ZMAT4: variants seen among roughly 807,000 people sequenced by gnomAD.
ZMAT4 encodes zinc finger matrin-type 4, also known as zinc finger matrin-type protein 4.
Under a neutral mutation model 28.7 loss-of-function variants are expected in ZMAT4, and 17 were observed. The ratio of observed to expected loss-of-function variants is 0.59; its 90% confidence interval spans 0.41 to 0.89. ZMAT4 has a LOEUF of 0.89. Among genes scored for constraint, ZMAT4 ranks in the 40% least tolerant of loss-of-function variants. The pLI, the probability that ZMAT4 is intolerant of heterozygous loss-of-function variation, is 0.00. For synonymous variants in ZMAT4, 117 were observed against 109.2 expected (o/e 1.07, Z -0.44); for missense variants, 240 against 283.8 (o/e 0.85, Z 1.11).
At chr8:40,863,919 C>T (rs1027962693) in intron 1 of ZMAT4, among the ~76,000 whole-genome samples, 8 of 152,156 alleles carry the variant, frequency 5.3e-5, no homozygotes, top group African/African-American at 1.9e-4. Context: ...AATTATCACA[C>T]ATTATTTCAA....
chr8:40,820,250 A>G, intron 2 of ZMAT4, among the ~76,000 whole-genome samples: 1 of 143,272 alleles, frequency 7.0e-6, no homozygotes, highest in Non-Finnish European at 1.5e-5. Flanking sequence ...GTGCGCATAT[A>G]TGTGAGTATT....
At position 40,746,618 on chromosome 8, in the gene ZMAT4, G is replaced by A. The variant is rs566881809; in HGVS notation, c.192+21023C>T. The stretch of plus-strand genomic sequence containing the variant: ...CCTCTGCCCACCTTGGCCTCCCAAA[G>A]TGCTGGGATTACAGGCATGAGCCAC... On this transcript the variant is annotated intron_variant, in intron 3 of 6. Coordinates refer to ENST00000297737, the MANE Select transcript of ZMAT4 (RefSeq NM_024645.3). 1.7e-3 allele frequency among the ~76,000 whole-genome samples: 254 copies of A among 152,106 alleles called. 3 individuals are homozygous for A. The highest frequency in any genetic ancestry group is 0.01 in the Middle Eastern group (3 of 294).
intron 3 of ZMAT4, among the ~76,000 whole-genome samples, chr8:40,728,602 C>G (rs551243370): frequency 6.6e-6 from 1 of 152,296 alleles, no homozygotes; most frequent in African/African-American, 2.4e-5. Flanking sequence ...CCAAATGTCT[C>G]CTGGGAGACA....
chr8:40,651,720 G>T (rs1333802145), intron 5 of ZMAT4, among the ~76,000 whole-genome samples: 3 of 151,910 alleles, frequency 2.0e-5, no homozygotes, highest in Non-Finnish European at 4.4e-5. Context: ...TTTGGTACTG[G>T]TACCAAAACA....
chr8:40,788,583 T>C (rs117634283), intron 2 of ZMAT4, among the ~76,000 whole-genome samples: 1,818 of 152,220 alleles, frequency 0.012, 19 homozygotes, highest in Non-Finnish European at 0.02. Flanking sequence ...ATTAAATTTG[T>C]GGTTAAAATC....
intron 5 of ZMAT4, among the ~76,000 whole-genome samples, chr8:40,610,978 C>T (rs1273914145): frequency 2.7e-5 from 4 of 147,770 alleles, no homozygotes; most frequent in Admixed American, 2.1e-4. Flanking sequence ...CACTACATAA[C>T]TAATACACAA....
intron 6 of ZMAT4, among the ~76,000 whole-genome samples, chr8:40,558,616 G>A (rs939910324): frequency 6.6e-6 from 1 of 152,112 alleles, no homozygotes; most frequent in African/African-American, 2.4e-5. Flanking sequence ...TGGGGAGAAG[G>A]AGGTAGAAGA....
intron 3 of ZMAT4, among the ~76,000 whole-genome samples, chr8:40,724,176 C>T (rs1003545097): frequency 2.6e-5 from 4 of 152,108 alleles, no homozygotes; most frequent in African/African-American, 9.7e-5. Flanking sequence ...GCAAAGCAGC[C>T]CTGGGATAAG....
intron 3 of ZMAT4, among the ~76,000 whole-genome samples, chr8:40,713,880 G>A (rs1481376855): frequency 5.9e-5 from 8 of 134,900 alleles, no homozygotes; most frequent in African/African-American, 2.3e-4. Flanking sequence ...CTGCACTCCA[G>A]CCTGGGCAAC....
chr8:40,618,143 C>T (rs1481698749), intron 5 of ZMAT4, among the ~76,000 whole-genome samples: 1 of 152,164 alleles, frequency 6.6e-6, no homozygotes, highest in Admixed American at 6.5e-5. Context: ...AACAAGGTAA[C>T]CAACCCTAGG....
At chr8:40,712,672 C>A (rs1450747345) in intron 3 of ZMAT4, among the ~76,000 whole-genome samples, 1 of 152,144 alleles carries the variant, frequency 6.6e-6, no homozygotes, top group Non-Finnish European at 1.5e-5. Flanking sequence ...TCCAATAGCG[C>A]CATATCCTGA....
intron 5 of ZMAT4, among the ~76,000 whole-genome samples, chr8:40,620,973 T>C (rs2118690382): frequency 6.6e-6 from 1 of 152,342 alleles, no homozygotes; most frequent in South Asian, 2.1e-4. Context: ...AAAGTCTTGA[T>C]GGACTTATTT....
rs1479731071 is a variant in ZMAT4 at position 40,795,551 on chromosome 8, T to TG, written c.103-27822dup. On this transcript the variant is annotated intron_variant, in intron 2 of 6. Coordinates refer to ENST00000297737, the MANE Select transcript of ZMAT4 (RefSeq NM_024645.3). Reference sequence around the variant, plus strand: ...TTTAGTATGACACCTGCTTCCTCCCTGGGGGCTCCTTTTATGTTTTGACTG... The same window carrying TG: ...TTTAGTATGACACCTGCTTCCTCCCTGGGGGGCTCCTTTTATGTTTTGACTG... 3.3e-5 allele frequency among the ~76,000 whole-genome samples: 5 copies of TG among 152,310 alleles called. No individual in the cohort carries two copies. In the East Asian group the frequency reaches 5.8e-4, roughly 18 times the overall value.
chr8:40,650,319 A>T (rs1320846773), intron 5 of ZMAT4, among the ~76,000 whole-genome samples: 1 of 151,426 alleles, frequency 6.6e-6, no homozygotes, highest in Non-Finnish European at 1.5e-5. Context: ...TAAACTAGAA[A>T]ATCTAGAAGA....
chr8:40,844,296 T>C (rs1258388831), intron 1 of ZMAT4, among the ~76,000 whole-genome samples: 1 of 152,192 alleles, frequency 6.6e-6, no homozygotes, highest in East Asian at 1.9e-4. Context: ...GATTAGTGTT[T>C]GAATTGCGTA....
intron 1 of ZMAT4, among the ~76,000 whole-genome samples, chr8:40,861,378 A>G (rs1817485251): frequency 6.6e-6 from 1 of 152,232 alleles, no homozygotes; most frequent in African/African-American, 2.4e-5. Flanking sequence ...CATATGTAGA[A>G]AGCTGAAACT....
intron 5 of ZMAT4, among the ~76,000 whole-genome samples, chr8:40,669,722 T>A (rs1048960946): frequency 6.6e-6 from 1 of 152,176 alleles, no homozygotes; most frequent in Non-Finnish European, 1.5e-5. Context: ...CAGTCAACAG[T>A]AGGCTATTAG....
At chr8:40,567,956 A>G (rs369062483) in intron 6 of ZMAT4, among the ~76,000 whole-genome samples, 3 of 152,172 alleles carry the variant, frequency 2.0e-5, no homozygotes, top group East Asian at 3.9e-4. Context: ...ATTCCTGAGT[A>G]GGCAGTGTAT....
At chr8:40,733,808 C>T (rs1288568368) in intron 3 of ZMAT4, among the ~76,000 whole-genome samples, 4 of 152,148 alleles carry the variant, frequency 2.6e-5, no homozygotes, top group African/African-American at 4.8e-5. Context: ...CTCGTTCATT[C>T]ATTCAACAAA....
Sources: allele counts gnomAD v4.1 joint callset (sites outside exome capture counted in the v4.1 genomes callset), GRCh38; gene constraint gnomAD v4.1.1; transcripts MANE v1.5; gene names NCBI Gene and HGNC (gene_info 2026-07-23, HGNC 2026-07-21).